Variants in LAP3 observed in about 807,000 individuals in gnomAD.
LAP3 encodes the protein leucine aminopeptidase 3, also known as cytosol aminopeptidase.
Under a neutral mutation model 58.8 loss-of-function variants are expected in LAP3, and 46 were observed. The observed-to-expected ratio is 0.78, with a 90% CI of 0.62 to 1.00. LAP3 has a LOEUF of 1.00. Ranked by LOEUF, LAP3 falls within the 50% of genes least tolerant of loss-of-function variation. LAP3 has a pLI of 0.00. For missense variants in LAP3, 615 were observed against 659.1 expected (o/e 0.93, Z 0.73); for synonymous variants, 257 against 237.7 (o/e 1.08, Z -0.75).
At chr4:17,596,581 T>C (rs151071935) in intron 8 of LAP3, among the ~76,000 whole-genome samples, 10,715 of 152,130 alleles carry the variant, frequency 0.07, 1,246 homozygotes, top group African/African-American at 0.24. Context: ...TCAGGTGATC[T>C]GCCCGCCTTG....
intron 3 of LAP3, 129 bp from the exon 4 acceptor site, chr4:17,582,159 C>T (rs1043505411): frequency 1.1e-5 from 8 of 733,726 alleles, no homozygotes; most frequent in Admixed American, 3.1e-5. Flanking sequence ...TTTCACCGTG[C>T]GTTTAGCCCT....
intron 7 of LAP3, among the ~76,000 whole-genome samples, chr4:17,591,220 G>A (rs899336676): frequency 2.0e-5 from 3 of 152,072 alleles, no homozygotes; most frequent in Admixed American, 6.6e-5. Context: ...GGGATTACAG[G>A]TGCCTGCTAC....
intron 8 of LAP3, among the ~76,000 whole-genome samples, chr4:17,596,572 C>T (rs989128179): frequency 5.3e-5 from 8 of 152,162 alleles, no homozygotes; most frequent in African/African-American, 1.9e-4. Flanking sequence ...CTCCTGACCT[C>T]AGGTGATCTG....
At chr4:17,588,783 C>T (rs768507200) in intron 6 of LAP3, 36 bp from the exon 7 acceptor site, 10 of 1,559,508 alleles carry the variant, frequency 6.4e-6, no homozygotes, top group Admixed American at 1.9e-5. Context: ...ATAAAGGTAA[C>T]AGTATATTTA....
chr4:17,607,129 A>C (rs1219451964), intron 12 of LAP3, among the ~76,000 whole-genome samples, 191 bp downstream of exon 12: 1 of 152,240 alleles, frequency 6.6e-6, no homozygotes, highest in Non-Finnish European at 1.5e-5. Context: ...CATATTTCTA[A>C]TCTAATGGTA....
intron 7 of LAP3, among the ~76,000 whole-genome samples, chr4:17,593,572 C>G (rs1288886549): frequency 1.4e-5 from 2 of 146,704 alleles, no homozygotes; most frequent in Non-Finnish European, 3.0e-5. Context: ...TTGGCTACAT[C>G]CTTTGCATCT....
rs764779204 is a variant in LAP3, at chr4:17,577,464, A to C, written c.-2A>C. ...GGCGGTGCGAGGGGCCGAGCCGACA[A>C]GATGTTCTTGCTGCCTCTTCCGGCT... On this transcript the variant is annotated 5_prime_UTR_variant, in exon 1 of 13. Coordinates refer to ENST00000226299, the MANE Select transcript of LAP3 (RefSeq NM_015907.3). 3 of 1,570,368 alleles carry C rather than the reference A, an allele frequency of 1.9e-6. No individual in the cohort carries two copies. The highest frequency in any genetic ancestry group is 2.7e-5 in the African/African-American group (2 of 73,192).
chr4:17,589,053 TTTTGG>T (rs201434823), intron 7 of LAP3, 76 bp downstream of exon 7: 20,810 of 1,475,316 alleles, frequency 0.014, 106 homozygotes, highest in African/African-American at 0.02. Context: ...TTATAGGGTT[TTTTGG>T]TTTGATTTTT....
At chr4:17,603,508 T>C (rs1714030977) in intron 10 of LAP3, among the ~76,000 whole-genome samples, 1 of 147,622 alleles carries the variant, frequency 6.8e-6, no homozygotes, top group Admixed American at 6.8e-5. Flanking sequence ...AAGAAATCTT[T>C]TTTTTTTTTT....
At chr4:17,587,429 G>GTTTT (rs10585004) in intron 6 of LAP3, 45 of 144,540 alleles carry the variant, frequency 3.1e-4, no homozygotes, top group African/African-American at 1.0e-3. Context: ...TGTTGTTGTT[G>GTTTT]TTTTTTTTTT....
intron 3 of LAP3, 54 bp downstream of exon 3, chr4:17,581,868 C>G (rs769669550): frequency 2.0e-4 from 274 of 1,368,286 alleles, no homozygotes; most frequent in Non-Finnish European, 2.7e-4. Flanking sequence ...CTACTGTACA[C>G]CAAGTATTGG....
chr4:17,587,596 G>T (rs1713561328), intron 6 of LAP3: 1 of 152,392 alleles, frequency 6.6e-6, no homozygotes, highest in Admixed American at 6.5e-5. Context: ...TGTGGTTGTT[G>T]CTGGTCTGCA....
chr4:17,583,580 C>T lies in LAP3; in HGVS notation c.477C>T (p.Leu159=). 6.2e-7 allele frequency: 1 copy of T among 1,614,154 alleles called. No individual in the cohort carries two copies. The highest frequency in any genetic ancestry group is 2.2e-5 in the East Asian group (1 of 44,874). ...CTGCGGAGGGAGCGGTGCTTGGTCT[C>T]TATGAATACGATGACCTAAAGCAAA... ...QAAAEGAVLG[L]YEYDDLKQKK... The change falls in exon 5 of 13, where the codon CTC becomes CTT. Residue 159 remains leucine (L), a synonymous_variant. Transcript: ENST00000226299.
chr4:17,605,089 C>T (rs1361193862), intron 11 of LAP3, among the ~76,000 whole-genome samples: 1 of 151,098 alleles, frequency 6.6e-6, no homozygotes, highest in Non-Finnish European at 1.5e-5. Context: ...CCTTCACAGC[C>T]AGCCTCTTCC....
chr4:17,603,945 A>G (rs1560152701), intron 10 of LAP3, among the ~76,000 whole-genome samples: 1 of 151,154 alleles, frequency 6.6e-6, no homozygotes, highest in Non-Finnish European at 1.5e-5. Context: ...TCCCTATCTC[A>G]GCCTCCTGAG....
chr4:17,593,609 G>GTTTTTTTTTTTTTTTTTTTTTTTT (rs55676326), intron 7 of LAP3, among the ~76,000 whole-genome samples: 1 of 87,608 alleles, frequency 1.1e-5, no homozygotes, highest in Admixed American at 1.8e-4. Context: ...ATCTGCTTGG[G>GTTTTTTTTTTTTTTTTTTTTTTTT]TTTTTTTTTT....
In LAP3 at chr4:17,590,587, T is replaced by G. The variant is rs544181045; in HGVS notation, c.863+1610T>G. Among the ~76,000 whole-genome samples the G allele has an allele frequency of 5.6e-3, 846 of 152,352 alleles. 8 individuals carry two copies. The highest frequency in any genetic ancestry group is 0.02 in the African/African-American group (811 of 41,576). The stretch of plus-strand genomic sequence containing the variant: ...GTCTATTATTTTATTTATTTATTTT[T>G]TTGAGACAGAGTCTAGCTCTGTTGC... On this transcript the variant is annotated intron_variant, in intron 7 of 12. Coordinates refer to ENST00000226299, the MANE Select transcript of LAP3 (RefSeq NM_015907.3).
At chr4:17,586,032 A>G (rs1713505320) in intron 6 of LAP3, 1 of 152,194 alleles carries the variant, frequency 6.6e-6, no homozygotes, top group South Asian at 2.1e-4. Context: ...GCCTAACTAG[A>G]CATGGGATGA....
At chr4:17,605,118 CCACACACACA>C (rs10609509) in intron 11 of LAP3, among the ~76,000 whole-genome samples, 12 of 146,928 alleles carry the variant, frequency 8.2e-5, no homozygotes, top group East Asian at 4.0e-4. Context: ...ACCCTCACTT[CCACACACACA>C]CACACACACA....
Sources: gnomAD v4.1 joint callset for allele counts (sites outside exome capture counted in the v4.1 genomes callset) on GRCh38, gnomAD v4.1.1 for gene constraint, MANE v1.5 for transcripts, NCBI Gene and HGNC (gene_info 2026-07-23, HGNC 2026-07-21) for gene names.